Variants in PLSCR4 observed in about 807,000 individuals in gnomAD.
PLSCR4 encodes the protein phospholipid scramblase 4, also known as Ca(2+)-dependent phospholipid scramblase 4.
A neutral mutation model predicts 36.3 loss-of-function variants in PLSCR4; 25 were observed. The ratio of observed to expected loss-of-function variants is 0.69; its 90% CI spans 0.50 to 0.96. PLSCR4 has a LOEUF of 0.96. Ranked by LOEUF, PLSCR4 falls within the 40% of genes least tolerant of loss-of-function variation. The pLI is 0.00. For synonymous variants in PLSCR4, 122 were observed against 132.9 expected (o/e 0.92, Z 0.56); for missense variants, 408 against 414.7 (o/e 0.98, Z 0.14).
chr3:146,223,920 A>G (rs1052779763), intron 1 of PLSCR4: 1 of 147,008 alleles, frequency 6.8e-6, no homozygotes, highest in Non-Finnish European at 1.5e-5. Context: ...ATATTTAAAT[A>G]TAAAATAATA....
intron 6 of PLSCR4, among the ~76,000 whole-genome samples, chr3:146,197,421 C>G (rs2033807598): frequency 6.6e-6 from 1 of 152,136 alleles, no homozygotes; most frequent in Admixed American, 6.6e-5. Context: ...CTAGGAGTCT[C>G]ATTTCTTCTG....
At chr3:146,245,951 G>C (rs974439750) in intron 1 of PLSCR4, among the ~76,000 whole-genome samples, 4 of 151,930 alleles carry the variant, frequency 2.6e-5, no homozygotes, top group Non-Finnish European at 5.9e-5. Context: ...TACTTTTATG[G>C]GTTTCTTGGC....
intron 1 of PLSCR4, among the ~76,000 whole-genome samples, chr3:146,235,465 G>T (rs1462250306): frequency 1.3e-5 from 2 of 152,098 alleles, no homozygotes; most frequent in African/African-American, 4.8e-5. Context: ...CCAGCATCAT[G>T]CTTCCTGTAC....
chr3:146,194,405 GTCTC>G lies in PLSCR4; in HGVS notation c.*2_*5del, dbSNP rs773300125. 1.2e-5 allele frequency: 20 copies of G among 1,603,242 alleles called. No homozygotes were observed. Among genetic ancestry groups the G allele is most frequent in the South Asian group, 3.3e-5 (3 of 90,716 alleles). On this transcript the variant is annotated 3_prime_UTR_variant, in exon 9 of 9. Coordinates refer to ENST00000354952, the MANE Select transcript of PLSCR4 (RefSeq NM_020353.3). The stretch of plus-strand genomic sequence containing the variant: ...TTAACCATAGTTGATGGCTTGCTGT[GTCTC>G]TCTATCTTGAACGTTGTGGTGGAGA...
At chr3:146,246,689 C>T (rs1391797085) in intron 1 of PLSCR4, among the ~76,000 whole-genome samples, 2 of 151,990 alleles carry the variant, frequency 1.3e-5, no homozygotes, top group African/African-American at 4.8e-5. Flanking sequence ...CCAAGAACGC[C>T]TCATTGTGTC....
chr3:146,229,340 G>A (rs1463689887), intron 1 of PLSCR4, among the ~76,000 whole-genome samples: 1 of 152,044 alleles, frequency 6.6e-6, no homozygotes. Flanking sequence ...CCTCCAGGGG[G>A]GTGGGGGCCT....
intron 1 of PLSCR4, among the ~76,000 whole-genome samples, chr3:146,225,218 C>A (rs984719121): frequency 2.0e-5 from 3 of 152,188 alleles, no homozygotes; most frequent in Non-Finnish European, 4.4e-5. Context: ...TTCTCCAAGG[C>A]CCCACCAGAG....
At chr3:146,213,465 G>C (rs1430679840) in intron 3 of PLSCR4, among the ~76,000 whole-genome samples, 1 of 151,382 alleles carries the variant, frequency 6.6e-6, no homozygotes, top group African/African-American at 2.4e-5. Context: ...CCAAGTAGCT[G>C]GGATTACAGG....
intron 1 of PLSCR4, among the ~76,000 whole-genome samples, chr3:146,224,546 G>A (rs61634701): frequency 1.3e-5 from 2 of 148,860 alleles, no homozygotes; most frequent in African/African-American, 5.2e-5. Flanking sequence ...GGTCTCGCTG[G>A]CTCAGGAGTG....
intron 7 of PLSCR4, 91 bp from the exon 8 acceptor site, chr3:146,195,373 T>C: frequency 9.6e-7 from 1 of 1,040,248 alleles, no homozygotes; most frequent in Non-Finnish European, 1.5e-6. Context: ...ATAAATACAA[T>C]GCAGAAAAAG....
intron 1 of PLSCR4, among the ~76,000 whole-genome samples, chr3:146,248,236 A>G (rs1273216009): frequency 2.6e-5 from 4 of 152,190 alleles, no homozygotes; most frequent in Non-Finnish European, 5.9e-5. Context: ...AGACAATATG[A>G]AAGGTTTTGT....
Position 146,196,619 on chromosome 3 carries a change from T to C in PLSCR4, c.786+13A>G, listed in dbSNP as rs776534300. On this transcript the variant is annotated intron_variant, in intron 7 of 8. Coordinates refer to ENST00000354952, the MANE Select transcript of PLSCR4 (RefSeq NM_020353.3). Reference sequence around the variant, plus strand: ...GGAAAAATATCAGAAACACTATTTTTACATAGTTTCACCTCAAAAACAGAA... The same window carrying C: ...GGAAAAATATCAGAAACACTATTTTCACATAGTTTCACCTCAAAAACAGAA... The C allele has an allele frequency of 2.5e-5, 40 of 1,612,658 alleles. No homozygotes were observed. Among genetic ancestry groups the C allele is most frequent in the Non-Finnish European group, 3.3e-5 (39 of 1,178,872 alleles).
intron 3 of PLSCR4, among the ~76,000 whole-genome samples, chr3:146,219,735 G>A (rs921339132): frequency 6.6e-5 from 10 of 151,922 alleles, no homozygotes; most frequent in African/African-American, 2.4e-4. Flanking sequence ...TGACCAACAT[G>A]GAAAAACCTT....
intron 5 of PLSCR4, 104 bp from the exon 6 acceptor site, chr3:146,200,143 A>G (rs1485088780): frequency 7.4e-6 from 5 of 677,980 alleles, no homozygotes; most frequent in Non-Finnish European, 1.3e-5. Context: ...TAGCTTTTTT[A>G]AAGTTTCAGG....
chr3:146,196,233 G>A (rs1236630681), intron 7 of PLSCR4, among the ~76,000 whole-genome samples: 4 of 152,100 alleles, frequency 2.6e-5, no homozygotes, highest in African/African-American at 9.7e-5. Context: ...CACAGCCTAA[G>A]GAGTACTTGG....
At chr3:146,202,219 A>T (rs574572146) in intron 4 of PLSCR4, among the ~76,000 whole-genome samples, 5 of 152,136 alleles carry the variant, frequency 3.3e-5, no homozygotes, top group Admixed American at 3.3e-4. Context: ...TCCATTTTAG[A>T]AAAGTAGGGT....
At chr3:146,242,514 T>C (rs907535197) in intron 1 of PLSCR4, among the ~76,000 whole-genome samples, 1 of 152,132 alleles carries the variant, frequency 6.6e-6, no homozygotes, top group Non-Finnish European at 1.5e-5. Flanking sequence ...GGTTTCAAAG[T>C]CATGCCAACA....
intron 3 of PLSCR4, among the ~76,000 whole-genome samples, chr3:146,207,378 C>T (rs893386935): frequency 6.6e-6 from 1 of 152,088 alleles, no homozygotes; most frequent in African/African-American, 2.4e-5. Flanking sequence ...GCTGCTATAA[C>T]AAAATAAGCA....
intron 1 of PLSCR4, among the ~76,000 whole-genome samples, chr3:146,243,969 C>G (rs369956947): frequency 6.9e-4 from 105 of 152,170 alleles, no homozygotes; most frequent in Non-Finnish European, 1.2e-3. Flanking sequence ...CCGACACAGG[C>G]ATTCTGGAGA....
Sources: allele counts gnomAD v4.1 joint callset (sites outside exome capture counted in the v4.1 genomes callset), GRCh38; gene constraint gnomAD v4.1.1; transcripts MANE v1.5; gene names NCBI Gene and HGNC (gene_info 2026-07-23, HGNC 2026-07-21).